OSBPL10: variants seen among roughly 807,000 people sequenced by gnomAD.
OSBPL10 encodes the protein oxysterol binding protein like 10, also known as oxysterol-binding protein-related protein 10.
Under a neutral mutation model 81.7 loss-of-function variants are expected in OSBPL10, and 49 were observed. The observed-to-expected ratio is 0.60, with a 90% CI of 0.48 to 0.76. The LOEUF is 0.76. Among genes scored for constraint, OSBPL10 ranks in the 30% least tolerant of loss-of-function variants. OSBPL10 has a pLI of 0.00. For missense variants in OSBPL10, 923 were observed against 987.8 expected (o/e 0.93, Z 0.88); for synonymous variants, 419 against 383.6 (o/e 1.09, Z -1.08).
chr3:32,032,989 T>C (rs1390434045), intron 2 of OSBPL10, among the ~76,000 whole-genome samples: 1 of 152,250 alleles, frequency 6.6e-6, no homozygotes, highest in Admixed American at 6.5e-5. Context: ...ATTCCAGTTA[T>C]TAATGCCTGT....
chr3:31,796,604 G>T (rs2125439232), intron 4 of OSBPL10, among the ~76,000 whole-genome samples: 1 of 152,244 alleles, frequency 6.6e-6, no homozygotes, highest in Non-Finnish European at 1.5e-5. Flanking sequence ...GACATTTTAG[G>T]TCAGATAACT....
At chr3:32,030,694 A>G (rs1442204957) in intron 2 of OSBPL10, 1 of 841,572 alleles carries the variant, frequency 1.2e-6, no homozygotes, top group East Asian at 2.4e-5. Context: ...GTTAAAAAAA[A>G]TAAAAGACCT....
intron 1 of OSBPL10, among the ~76,000 whole-genome samples, chr3:31,974,950 CT>C (rs1467648759): frequency 1.3e-5 from 2 of 152,116 alleles, no homozygotes; most frequent in African/African-American, 4.8e-5. Context: ...CTTTTTCAAA[CT>C]GCAAAACAGA....
chr3:31,860,498 G>C (rs1344077663), intron 3 of OSBPL10, among the ~76,000 whole-genome samples: 7 of 152,170 alleles, frequency 4.6e-5, no homozygotes, highest in Non-Finnish European at 1.5e-5. Context: ...AGACAAGGAA[G>C]TGATAAGAGG....
At position 32,011,986 on chromosome 3, in the gene OSBPL10, C is replaced by T. The variant is rs1047642296; in HGVS notation, n.298+34505G>A. Among the ~76,000 whole-genome samples the T allele has an allele frequency of 5.3e-5, 8 of 152,242 alleles. No individual in the cohort carries two copies. The East Asian group carries it at 1.3e-3, about 26-fold the overall frequency. On this transcript the variant is annotated intron_variant and non_coding_transcript_variant, in intron 2 of 3. Coordinates refer to the OSBPL10 transcript ENST00000479173. ...ATCTGATTGGTGTACCTGAAAGTGA[C>T]GGGGAGAATGCAACAAAGTTGGAAA...
At position 31,770,777 on chromosome 3, in the gene OSBPL10, ACT is replaced by A. The variant is rs559439544; in HGVS notation, c.730-22659_730-22658del. 1.3e-3 allele frequency among the ~76,000 whole-genome samples: 205 copies of A among 152,088 alleles called. 1 individual carries two copies. Among genetic ancestry groups the A allele is most frequent in the African/African-American group, 4.6e-3 (190 of 41,494 alleles). On this transcript the variant is annotated intron_variant, in intron 4 of 11. Coordinates refer to ENST00000396556, the MANE Select transcript of OSBPL10 (RefSeq NM_017784.5). ...CTCCAGCCTGGGCAACAAGGGCAAA[ACT>A]CTGTCTCAAAAAAAAAGAAGGGAAC...
At chr3:31,772,660 G>C (rs1225756177) in intron 4 of OSBPL10, among the ~76,000 whole-genome samples, 2 of 152,158 alleles carry the variant, frequency 1.3e-5, no homozygotes, top group African/African-American at 2.4e-5. Context: ...GCATGAAGCT[G>C]AAACAAGAAG....
intron 4 of OSBPL10, among the ~76,000 whole-genome samples, chr3:31,808,686 A>G (rs1699584057): frequency 6.6e-6 from 1 of 152,236 alleles, no homozygotes; most frequent in Non-Finnish European, 1.5e-5. Context: ...ACAATTCTAC[A>G]TTCCTTTCCG....
At chr3:31,948,647 G>A (rs531609581) in intron 1 of OSBPL10, among the ~76,000 whole-genome samples, 7 of 152,176 alleles carry the variant, frequency 4.6e-5, no homozygotes, top group East Asian at 3.9e-4. Flanking sequence ...AGATTTCATC[G>A]TGTGCATTCA....
chr3:31,866,452 C>T (rs1392336077), intron 3 of OSBPL10, among the ~76,000 whole-genome samples: 1 of 152,132 alleles, frequency 6.6e-6, no homozygotes, highest in Non-Finnish European at 1.5e-5. Flanking sequence ...GAGAAGACAC[C>T]CACAGAGCAT....
intron 8 of OSBPL10, among the ~76,000 whole-genome samples, chr3:31,676,727 C>G (rs1700486429): frequency 6.6e-6 from 1 of 152,218 alleles, no homozygotes; most frequent in African/African-American, 2.4e-5. Context: ...CAATTAAGAG[C>G]CTGCACCATT....
In OSBPL10 at chr3:31,978,889, A is replaced by C. The variant is rs188377812; in HGVS notation, c.281+2010T>G. On this transcript the variant is annotated intron_variant, in intron 1 of 11. Coordinates refer to ENST00000396556, the MANE Select transcript of OSBPL10 (RefSeq NM_017784.5). ...CCAATCTAAACACCACAATGGGTTT[A>C]AAATAATGCAAAAGAATGTTACTCC... Among the ~76,000 whole-genome samples, 1,119 of 152,274 alleles carry C rather than the reference A, an allele frequency of 7.3e-3. 12 individuals carry two copies. Among genetic ancestry groups the C allele is most frequent in the Non-Finnish European group, 0.011 (755 of 68,024 alleles).
At chr3:31,796,928 T>C (rs1364548299) in intron 4 of OSBPL10, among the ~76,000 whole-genome samples, 6 of 152,026 alleles carry the variant, frequency 3.9e-5, no homozygotes, top group African/African-American at 7.2e-5. Context: ...CCCATTCTCA[T>C]ACAGGTTCCT....
intron 8 of OSBPL10, among the ~76,000 whole-genome samples, chr3:31,673,002 G>C (rs1700364376): frequency 6.6e-6 from 1 of 152,046 alleles, no homozygotes; most frequent in Non-Finnish European, 1.5e-5. Flanking sequence ...AGAAGAGATG[G>C]GCCTTCTCCC....
intron 8 of OSBPL10, among the ~76,000 whole-genome samples, chr3:31,679,518 C>T (rs916401881): frequency 1.6e-4 from 25 of 152,102 alleles, no homozygotes; most frequent in African/African-American, 5.8e-4. Context: ...CCACTGTTAC[C>T]GATAAGGAGG....
At chr3:32,058,573 C>T (rs1161188954) in intron 1 of OSBPL10, among the ~76,000 whole-genome samples, 2 of 152,178 alleles carry the variant, frequency 1.3e-5, no homozygotes, top group East Asian at 1.9e-4. Flanking sequence ...GTGATCCGCC[C>T]ACCTCGGCCT....
upstream of OSBPL10, among the ~76,000 whole-genome samples, chr3:31,984,159 C>T (rs1698901398): frequency 6.6e-6 from 1 of 152,164 alleles, no homozygotes; most frequent in Non-Finnish European, 1.5e-5. Flanking sequence ...TGCCTCACAG[C>T]TTCCCCAGTA....
Position 31,821,602 on chromosome 3 carries a change from C to T in OSBPL10, c.729+8438G>A, listed in dbSNP as rs149189768. ...TTCCACATTAACATTTTTTGAAAAC[C>T]GATGTTTGAAACTGACTTATTTTCA... On this transcript the variant is annotated intron_variant, in intron 4 of 11. Transcript: ENST00000396556. Among the ~76,000 whole-genome samples, 661 of 152,108 alleles carry T rather than the reference C, an allele frequency of 4.3e-3. 1 individual carries two copies. The highest frequency in any genetic ancestry group is 7.1e-3 in the Admixed American group (108 of 15,280).
rs763596818 is a variant in OSBPL10 at position 31,664,108 on chromosome 3, G to T, written c.2221C>A (p.Pro741Thr). The T allele has an allele frequency of 6.2e-7, 1 of 1,614,050 alleles. No individual in the cohort carries two copies. The highest frequency in any genetic ancestry group is 8.5e-7 in the Non-Finnish European group (1 of 1,180,016). ...EERKRENLRT[P>T]WKPKYFIQEG... Reference sequence around the variant, plus strand: ...TGGATAAAATATTTGGGCTTCCATGGTGTGCGGAGGTTCTCGCGCTTCCGT... The same window carrying T: ...TGGATAAAATATTTGGGCTTCCATGTTGTGCGGAGGTTCTCGCGCTTCCGT... Residue 741 changes from proline (P) to threonine (T), a missense_variant, in exon 11 of 12, where the codon CCA becomes ACA. Transcript: ENST00000396556.
Sources: gnomAD v4.1 joint callset for allele counts (sites outside exome capture counted in the v4.1 genomes callset) on GRCh38, gnomAD v4.1.1 for gene constraint, MANE v1.5 for transcripts, NCBI Gene and HGNC (gene_info 2026-07-23, HGNC 2026-07-21) for gene names.